Variants in PRLR observed in about 807,000 individuals in gnomAD.
PRLR encodes hPRL receptor.
PRLR carries 13 observed loss-of-function variants against 40.2 expected under a neutral mutation model. That is an observed-to-expected ratio of 0.32 (90% CI 0.21 to 0.51). The LOEUF is 0.51. PRLR is among the 20% of genes least tolerant of loss of function. PRLR has a pLI of 0.97. For synonymous variants in PRLR, 269 were observed against 278.7 expected (o/e 0.97, Z 0.35); for missense variants, 656 against 747.3 (o/e 0.88, Z 1.42).
rs1384565691 is a variant in PRLR, at chr5:35,056,173, T to TA, written c.*8915dup. 4 of 152,098 alleles carry TA rather than the reference T, an allele frequency of 2.6e-5. No individual in the cohort carries two copies. Among genetic ancestry groups the TA allele is most frequent in the Admixed American group, 1.3e-4 (2 of 15,248 alleles). The allele number at this position is 152,098 out of a possible 1,614,324, so 9.4% of individuals were successfully genotyped here. The stretch of plus-strand genomic sequence containing the variant: ...ATAACAAGAGAAAAATGCTTAACAT[T>TA]AGCAGGGGCAGCAGGAATTGAGGGG... On this transcript the variant is annotated 3_prime_UTR_variant, in exon 10 of 10. Coordinates refer to ENST00000618457, the MANE Select transcript of PRLR (RefSeq NM_000949.7).
chr5:35,113,816 T>C (rs752421493), intron 2 of PRLR, among the ~76,000 whole-genome samples: 14 of 152,348 alleles, frequency 9.2e-5, no homozygotes, highest in Non-Finnish European at 1.6e-4. Flanking sequence ...CTGGGGAGGC[T>C]GCTTCGGGAG....
chr5:35,216,749 G>T (rs1425728706), intron 1 of PRLR, among the ~76,000 whole-genome samples: 2 of 152,178 alleles, frequency 1.3e-5, no homozygotes, highest in Non-Finnish European at 2.9e-5. Flanking sequence ...GAAGGACTTG[G>T]TTTTTAACCA....
chr5:35,181,584 A>G (rs1000314254), intron 1 of PRLR, among the ~76,000 whole-genome samples: 1 of 152,218 alleles, frequency 6.6e-6, no homozygotes, highest in African/African-American at 2.4e-5. Flanking sequence ...TGCCATATCC[A>G]ATTTTCATAA....
At chr5:35,215,025 C>T (rs529485280) in intron 1 of PRLR, among the ~76,000 whole-genome samples, 1 of 152,120 alleles carries the variant, frequency 6.6e-6, no homozygotes, top group African/African-American at 2.4e-5. Context: ...CTACCTATTC[C>T]CCCTTCCCCT....
chr5:35,090,117 C>A (rs781659416), intron 2 of PRLR, among the ~76,000 whole-genome samples: 4 of 152,156 alleles, frequency 2.6e-5, no homozygotes, highest in Admixed American at 1.3e-4. Flanking sequence ...TCAACATAAC[C>A]ATGCTGATTC....
intron 1 of PRLR, among the ~76,000 whole-genome samples, chr5:35,156,894 A>T (rs1196493252): frequency 6.6e-6 from 1 of 151,974 alleles, no homozygotes; most frequent in Non-Finnish European, 1.5e-5. Flanking sequence ...AGAATTACAC[A>T]TGCTGGGTGG....
chr5:35,217,955 C>T lies in PRLR; in HGVS notation c.-106+12313G>A, dbSNP rs576453201. 6.6e-5 allele frequency among the ~76,000 whole-genome samples: 10 copies of T among 152,236 alleles called. 1 individual carries two copies. In the East Asian group the frequency reaches 1.9e-3, roughly 29 times the overall value. Reference sequence around the variant, plus strand: ...CATACCTATATCAAATATATATTCACCCTTACTTTCTGCTAAATATTTAAC... The same window carrying T: ...CATACCTATATCAAATATATATTCATCCTTACTTTCTGCTAAATATTTAAC... On this transcript the variant is annotated intron_variant, in intron 1 of 9. Transcript: ENST00000618457.
chr5:35,081,046 TGGGGGGA>T (rs1230273794), intron 5 of PRLR, among the ~76,000 whole-genome samples: 1 of 43,358 alleles, frequency 2.3e-5, no homozygotes, highest in East Asian at 8.9e-4. Flanking sequence ...TGTCATGGGG[TGGGGGGA>T]GGGGGGAGGG....
At chr5:35,174,980 G>A (rs973966957) in intron 1 of PRLR, among the ~76,000 whole-genome samples, 3 of 152,302 alleles carry the variant, frequency 2.0e-5, no homozygotes, top group East Asian at 3.9e-4. Flanking sequence ...TATAATATAA[G>A]GATGGTTTAA....
At chr5:35,217,053 A>G (rs904635874) in intron 1 of PRLR, among the ~76,000 whole-genome samples, 2 of 152,202 alleles carry the variant, frequency 1.3e-5, no homozygotes, top group African/African-American at 4.8e-5. Context: ...AAGTCTTAGC[A>G]AGCCTCTAGC....
chr5:35,229,710 C>G (rs1027512865), intron 1 of PRLR, among the ~76,000 whole-genome samples: 1 of 152,146 alleles, frequency 6.6e-6, no homozygotes, highest in African/African-American at 2.4e-5. Flanking sequence ...AGGAGCAACA[C>G]CTTTCAGGTC....
At chr5:35,164,135 T>G (rs1774754231) in intron 1 of PRLR, among the ~76,000 whole-genome samples, 1 of 152,242 alleles carries the variant, frequency 6.6e-6, no homozygotes. Context: ...TAGATATAAA[T>G]AACTGTCCAC....
At chr5:35,107,627 A>G (rs1772354133) in intron 2 of PRLR, among the ~76,000 whole-genome samples, 1 of 152,246 alleles carries the variant, frequency 6.6e-6, no homozygotes, top group Non-Finnish European at 1.5e-5. Flanking sequence ...AAAATCTAGA[A>G]GAAATGGATA....
chr5:35,092,786 G>A (rs1771297270), intron 2 of PRLR, among the ~76,000 whole-genome samples: 1 of 152,146 alleles, frequency 6.6e-6, no homozygotes, highest in South Asian at 2.1e-4. Context: ...GCAGCTCCTT[G>A]GTTTTGACTG....
At chr5:35,190,371 G>A (rs940385431) in intron 1 of PRLR, among the ~76,000 whole-genome samples, 1 of 152,198 alleles carries the variant, frequency 6.6e-6, no homozygotes, top group Non-Finnish European at 1.5e-5. Flanking sequence ...TCGGAAGGCT[G>A]ATGCGAGTGG....
At chr5:35,186,261 CT>C (rs1775427426) in intron 1 of PRLR, among the ~76,000 whole-genome samples, 1 of 133,318 alleles carries the variant, frequency 7.5e-6, no homozygotes, top group African/African-American at 3.2e-5. Flanking sequence ...GCACTGGTTT[CT>C]TTAAAAAAAT....
intron 1 of PRLR, among the ~76,000 whole-genome samples, chr5:35,211,741 T>C (rs1776173829): frequency 6.6e-6 from 1 of 152,224 alleles, no homozygotes; most frequent in African/African-American, 2.4e-5. Flanking sequence ...GTAGTATTAA[T>C]ATTGAGTAAA....
chr5:35,183,553 G>A (rs868827882), intron 1 of PRLR, among the ~76,000 whole-genome samples: 1 of 152,168 alleles, frequency 6.6e-6, no homozygotes, highest in Non-Finnish European at 1.5e-5. Flanking sequence ...GGCATGATCC[G>A]AGGTCCTGAG....
downstream of PRLR, chr5:35,055,695 A>G (rs1383567943): frequency 6.6e-6 from 1 of 152,198 alleles, no homozygotes; most frequent in East Asian, 1.9e-4. Flanking sequence ...AGACCCTCCA[A>G]AAACCATTGC....
Sources: allele counts gnomAD v4.1 joint callset (sites outside exome capture counted in the v4.1 genomes callset), GRCh38; gene constraint gnomAD v4.1.1; transcripts MANE v1.5; gene names NCBI Gene and HGNC (gene_info 2026-07-23, HGNC 2026-07-21).